Variants in PCSK2 observed in about 807,000 individuals in gnomAD.
PCSK2 encodes the protein neuroendocrine convertase 2.
A neutral mutation model predicts 69.7 loss-of-function variants in PCSK2; 14 were observed. That is an observed-to-expected ratio of 0.20 (90% CI 0.13 to 0.31). The LOEUF is 0.31. Ranked by LOEUF, PCSK2 falls within the 10% of genes least tolerant of loss-of-function variation. The probability of loss-of-function intolerance (pLI) is 1.00; values close to 1 mark genes in which losing one functional copy is unlikely to be tolerated. For missense variants in PCSK2, 544 were observed against 842.5 expected, an observed-to-expected ratio of 0.65 and a Z score of 4.39; for synonymous variants, 307 against 320.7, an observed-to-expected ratio of 0.96 and a Z score of 0.46.
chr20:17,227,833 C>T (rs1985989225), intron 1 of PCSK2, among the ~76,000 whole-genome samples: 1 of 152,196 alleles, frequency 6.6e-6, no homozygotes, highest in African/African-American at 2.4e-5. Context: ...AACAGCTAAG[C>T]CTGGCGTTGG....
intron 1 of PCSK2, among the ~76,000 whole-genome samples, chr20:17,235,800 A>C (rs1986316242): frequency 6.6e-6 from 1 of 152,150 alleles, no homozygotes. Context: ...TGACACACAC[A>C]AACAAAAAAG....
intron 2 of PCSK2, among the ~76,000 whole-genome samples, chr20:17,282,912 T>A (rs1266886855): frequency 1.3e-5 from 2 of 152,328 alleles, no homozygotes; most frequent in Middle Eastern, 3.4e-3. Context: ...CTTTAGTTTC[T>A]TATTTCTCTA....
At chr20:17,288,935 G>A (rs1304364052) in intron 2 of PCSK2, among the ~76,000 whole-genome samples, 2 of 152,198 alleles carry the variant, frequency 1.3e-5, no homozygotes, top group East Asian at 1.9e-4. Context: ...ACTGCGTGAA[G>A]CTATCCCAAA....
chr20:17,237,828 A>G lies in PCSK2; in HGVS notation c.177+10346A>G, dbSNP rs192174473. ...TGTCACTGTGGGTAACTGGAACTCA[A>G]TCCCACTGGAAAACTGGGAGCTGGT... On this transcript the variant is annotated intron_variant, in intron 1 of 11. Transcript: ENST00000262545. 1.7e-3 allele frequency among the ~76,000 whole-genome samples: 257 copies of G among 152,336 alleles called. 1 individual carries two copies. The highest frequency in any genetic ancestry group is 0.01 in the Middle Eastern group (3 of 294).
chr20:17,482,196 G>A lies in PCSK2; in HGVS notation c.*126G>A, dbSNP rs2033418232. On this transcript the variant is annotated 3_prime_UTR_variant, in exon 12 of 12. Transcript: ENST00000262545. ...GGCAATTCCGTCTTCTTAATCTGAA[G>A]CTTCACTCACTGTCAATGATTATTT... The A allele has an allele frequency of 2.5e-6, 2 of 814,858 alleles. No individual in the cohort carries two copies. The highest frequency in any genetic ancestry group is 6.1e-5 in the Admixed American group (2 of 32,832). 50.5% of individuals were successfully genotyped at this position (814,858 alleles called of 1,614,324 possible).
chr20:17,303,768 G>C (rs2123097619), intron 2 of PCSK2, among the ~76,000 whole-genome samples: 1 of 147,046 alleles, frequency 6.8e-6, no homozygotes, highest in South Asian at 2.1e-4. Flanking sequence ...GTTGAGGGGA[G>C]TTTTCGCCAT....
intron 5 of PCSK2, among the ~76,000 whole-genome samples, 167 bp from the exon 6 acceptor site, chr20:17,409,096 C>A (rs2031815331): frequency 6.6e-6 from 1 of 152,200 alleles, no homozygotes; most frequent in Admixed American, 6.5e-5. Context: ...GGATGGAAAA[C>A]CCCAAAGACA....
chr20:17,350,601 C>A (rs11905775), intron 2 of PCSK2, among the ~76,000 whole-genome samples: 33,668 of 151,966 alleles, frequency 0.22, 4,329 homozygotes, highest in East Asian at 0.54. Context: ...GTGTTATGTG[C>A]CCATAGGGAG....
intron 1 of PCSK2, among the ~76,000 whole-genome samples, chr20:17,240,667 G>A (rs6111467): frequency 2.6e-5 from 4 of 152,182 alleles, no homozygotes; most frequent in African/African-American, 9.7e-5. Flanking sequence ...TTGTGAGTGA[G>A]GCTGTATGTC....
At chr20:17,347,808 GAA>G (rs1990692725) in intron 2 of PCSK2, among the ~76,000 whole-genome samples, 1 of 113,230 alleles carries the variant, frequency 8.8e-6, no homozygotes, top group African/African-American at 3.5e-5. Flanking sequence ...AAGAAAGAAA[GAA>G]AGAAAGAAAG....
chr20:17,379,501 G>T (rs1011881183), intron 5 of PCSK2, among the ~76,000 whole-genome samples: 1 of 152,230 alleles, frequency 6.6e-6, no homozygotes, highest in African/African-American at 2.4e-5. Context: ...TTTTGTGGTT[G>T]TGTCAAAGAA....
chr20:17,447,099 A>T (rs1192737131), intron 8 of PCSK2, among the ~76,000 whole-genome samples: 49 of 141,068 alleles, frequency 3.5e-4, no homozygotes, highest in African/African-American at 1.2e-3. Flanking sequence ...CTACTAAAAA[A>T]AATAAATAAA....
intron 6 of PCSK2, among the ~76,000 whole-genome samples, chr20:17,412,426 T>A (rs1378228155): frequency 6.6e-6 from 1 of 152,008 alleles, no homozygotes; most frequent in Non-Finnish European, 1.5e-5. Flanking sequence ...GAAGAAAGGG[T>A]AACAGTGATT....
At chr20:17,258,561 T>C (rs1987263466) in intron 1 of PCSK2, among the ~76,000 whole-genome samples, 1 of 152,118 alleles carries the variant, frequency 6.6e-6, no homozygotes, top group African/African-American at 2.4e-5. Flanking sequence ...AATGGAATAA[T>C]ATGCAGCCAT....
At chr20:17,377,045 C>T (rs925286451) in intron 5 of PCSK2, among the ~76,000 whole-genome samples, 1 of 152,184 alleles carries the variant, frequency 6.6e-6, no homozygotes. Context: ...AAAGAGAGGA[C>T]CCTGGAACCT....
At chr20:17,444,061 A>G (rs2269016) in intron 8 of PCSK2, among the ~76,000 whole-genome samples, 46,697 of 152,158 alleles carry the variant, frequency 0.31, 8,534 homozygotes, top group South Asian at 0.57. Context: ...GTGAGGGTTC[A>G]TTGTGCATTA....
chr20:17,278,556 A>G, intron 2 of PCSK2, among the ~76,000 whole-genome samples: 1 of 152,052 alleles, frequency 6.6e-6, no homozygotes, highest in South Asian at 2.1e-4. Context: ...AACATCACAC[A>G]CCAGGGACTG....
At chr20:17,290,481 T>G (rs1288800982) in intron 2 of PCSK2, among the ~76,000 whole-genome samples, 1 of 152,232 alleles carries the variant, frequency 6.6e-6, no homozygotes, top group African/African-American at 2.4e-5. Flanking sequence ...ACATATTTTA[T>G]CTTGCTTAAT....
At chr20:17,413,000 C>A (rs2031912801) in intron 6 of PCSK2, among the ~76,000 whole-genome samples, 1 of 152,120 alleles carries the variant, frequency 6.6e-6, no homozygotes, top group Non-Finnish European at 1.5e-5. Context: ...TTGTCACCAC[C>A]AGGCCTGCCT....
Sources: allele counts gnomAD v4.1 joint callset (sites outside exome capture counted in the v4.1 genomes callset), GRCh38; gene constraint gnomAD v4.1.1; transcripts MANE v1.5; gene names NCBI Gene and HGNC (gene_info 2026-07-23, HGNC 2026-07-21).